Variants in CCDC171 observed in about 807,000 individuals in gnomAD.
CCDC171 encodes coiled-coil domain containing 171.
CCDC171 carries 177 observed loss-of-function variants against 168.2 expected under a neutral mutation model. That is an observed-to-expected ratio of 1.05 (90% CI 0.93 to 1.19). The LOEUF (loss-of-function observed/expected upper bound fraction) is 1.19, where lower values mean the gene tolerates loss of function less well. Ranked by LOEUF, CCDC171 falls within the 50% of genes most tolerant of loss-of-function variation. The pLI is 0.00. For synonymous variants in CCDC171, 687 were observed against 540.8 expected (o/e 1.27, Z -3.75); for missense variants, 1,991 against 1,539.0 (o/e 1.29, Z -4.91).
At chr9:16,037,899 C>A (rs899673037), upstream of CCDC171, among the ~76,000 whole-genome samples, 2 of 152,020 alleles carry the variant, frequency 1.3e-5, no homozygotes, top group East Asian at 1.9e-4. Context: ...AGAAAAAAGA[C>A]TGAGAATTTT....
rs1367065193 is a variant in CCDC171, at chr9:15,600,206, A to G, written c.675+6034A>G. Among the ~76,000 whole-genome samples, 2 of 151,972 alleles carry G rather than the reference A, an allele frequency of 1.3e-5. 1 individual carries two copies. Among genetic ancestry groups the G allele is most frequent in the Non-Finnish European group, 2.9e-5 (2 of 67,996 alleles). On this transcript the variant is annotated intron_variant, in intron 6 of 25. Transcript: ENST00000380701. The stretch of plus-strand genomic sequence containing the variant: ...GAGCTGTGTTCCTTTAGAGGGGGAG[A>G]GGCACTCTGATTTTTAGAGTTTCCA...
intron 7 of CCDC171, among the ~76,000 whole-genome samples, chr9:15,628,237 C>T (rs139875435): frequency 6.6e-5 from 10 of 151,472 alleles, no homozygotes; most frequent in South Asian, 6.2e-4. Context: ...TTGCCTTACT[C>T]GGGAAGCGCA....
At chr9:15,827,903 C>T (rs2060080734) in intron 21 of CCDC171, among the ~76,000 whole-genome samples, 1 of 152,126 alleles carries the variant, frequency 6.6e-6, no homozygotes, top group Admixed American at 6.6e-5. Context: ...TCCTCTGGGT[C>T]AGAATGAAGG....
At chr9:15,632,469 G>A (rs1178318165) in intron 7 of CCDC171, among the ~76,000 whole-genome samples, 8 of 152,234 alleles carry the variant, frequency 5.3e-5, no homozygotes, top group Non-Finnish European at 1.2e-4. Flanking sequence ...TACAAGGGAT[G>A]TGAAGGACCT....
chr9:15,897,150 T>A (rs1251570556), intron 24 of CCDC171, among the ~76,000 whole-genome samples: 5 of 152,090 alleles, frequency 3.3e-5, no homozygotes, highest in Non-Finnish European at 7.4e-5. Context: ...ATTTGGGATA[T>A]CACTGTCTTG....
intron 1 of CCDC171, among the ~76,000 whole-genome samples, chr9:16,047,780 C>T (rs560161731): frequency 6.6e-6 from 1 of 152,272 alleles, no homozygotes; most frequent in South Asian, 2.1e-4. Flanking sequence ...ACAGTATTCA[C>T]GTAATCTATA....
chr9:15,757,528 C>T (rs1212390223), intron 18 of CCDC171, among the ~76,000 whole-genome samples: 1 of 152,172 alleles, frequency 6.6e-6, no homozygotes, highest in Non-Finnish European at 1.5e-5. Flanking sequence ...AATGTGCAGC[C>T]TGACAATGTG....
At chr9:15,930,526 C>G (rs1826386359) in intron 25 of CCDC171, among the ~76,000 whole-genome samples, 1 of 151,474 alleles carries the variant, frequency 6.6e-6, no homozygotes, top group Admixed American at 6.6e-5. Flanking sequence ...TAGAGGTGGA[C>G]ATACATAGAC....
chr9:15,849,103 G>C (rs2061020442), intron 23 of CCDC171, among the ~76,000 whole-genome samples, 156 bp downstream of exon 23: 1 of 151,650 alleles, frequency 6.6e-6, no homozygotes, highest in Non-Finnish European at 1.5e-5. Context: ...ATTACATGGT[G>C]CTATATTGCA....
At chr9:15,854,419 A>G (rs1282834366) in intron 23 of CCDC171, among the ~76,000 whole-genome samples, 1 of 151,408 alleles carries the variant, frequency 6.6e-6, no homozygotes, top group Non-Finnish European at 1.5e-5. Flanking sequence ...TTATTTCTGT[A>G]AGGTTAGTAG....
chr9:15,957,761 C>G (rs1175869294), intron 25 of CCDC171, among the ~76,000 whole-genome samples: 1 of 152,142 alleles, frequency 6.6e-6, no homozygotes, highest in African/African-American at 2.4e-5. Flanking sequence ...GAAAATCAAG[C>G]TTTAGGGAGC....
chr9:15,804,142 G>C (rs1442400879), intron 21 of CCDC171, among the ~76,000 whole-genome samples: 2 of 152,080 alleles, frequency 1.3e-5, no homozygotes, highest in Admixed American at 6.6e-5. Flanking sequence ...TGTGATGATG[G>C]GGTTTTCTAG....
In CCDC171 at chr9:15,704,793, C is replaced by T. The variant is rs182647081; in HGVS notation, c.1318+9456C>T. ...CCAAGACGTTCCAGAAGTTATTTACCGAGAGGATTTAACTTGATCTCCTCA... is the reference window on the plus strand; with the variant it reads ...CCAAGACGTTCCAGAAGTTATTTACTGAGAGGATTTAACTTGATCTCCTCA... On this transcript the variant is annotated intron_variant, in intron 11 of 25. Transcript: ENST00000380701. Among the ~76,000 whole-genome samples the T allele has an allele frequency of 3.9e-5, 6 of 152,092 alleles. No homozygotes were observed. In the East Asian group the frequency reaches 5.8e-4, roughly 15 times the overall value.
intron 8 of CCDC171, among the ~76,000 whole-genome samples, chr9:15,662,561 A>G (rs1043180667): frequency 1.8e-4 from 28 of 152,198 alleles, no homozygotes; most frequent in African/African-American, 6.5e-4. Flanking sequence ...TTCGCAGTCT[A>G]TGTTCTCTTA....
intron 24 of CCDC171, among the ~76,000 whole-genome samples, chr9:15,901,125 A>G (rs1821586297): frequency 6.6e-6 from 1 of 152,230 alleles, no homozygotes; most frequent in African/African-American, 2.4e-5. Flanking sequence ...TTTAAGAGAA[A>G]CATTAAAAAG....
intron 21 of CCDC171, among the ~76,000 whole-genome samples, chr9:15,800,889 T>A (rs531557276): frequency 1.3e-5 from 2 of 152,288 alleles, no homozygotes; most frequent in East Asian, 3.9e-4. Context: ...CAAGTTTATG[T>A]TCTTAGCACC....
At chr9:16,056,103 T>A (rs771639355) in intron 1 of CCDC171, among the ~76,000 whole-genome samples, 59 of 152,326 alleles carry the variant, frequency 3.9e-4, no homozygotes, top group Middle Eastern at 3.4e-3. Flanking sequence ...ACAAAACAGA[T>A]ATTCAGGAAA....
chr9:15,717,319 C>T (rs537598200), intron 11 of CCDC171, among the ~76,000 whole-genome samples: 1 of 152,136 alleles, frequency 6.6e-6, no homozygotes, highest in Admixed American at 6.5e-5. Context: ...ATTGTCCATC[C>T]TAGCATTTGG....
chr9:15,934,910 G>A (rs1826940981), intron 25 of CCDC171, among the ~76,000 whole-genome samples: 1 of 152,018 alleles, frequency 6.6e-6, no homozygotes, highest in South Asian at 2.1e-4. Flanking sequence ...GACACAAAAG[G>A]CCACATTTGT....
Sources: allele counts gnomAD v4.1 joint callset (sites outside exome capture counted in the v4.1 genomes callset), GRCh38; gene constraint gnomAD v4.1.1; transcripts MANE v1.5; gene names NCBI Gene and HGNC (gene_info 2026-07-23, HGNC 2026-07-21).